WFS1: variants seen among roughly 807,000 people sequenced by gnomAD.
WFS1 encodes wolframin ER transmembrane glycoprotein.
In WFS1, 90 loss-of-function variants were observed where a neutral mutation model predicts 68.5. The ratio of observed to expected loss-of-function variants is 1.31; its 90% CI spans 1.11 to 1.56. The LOEUF is 1.56. Among genes scored for constraint, WFS1 ranks in the 40% most tolerant of loss-of-function variants. The pLI is 0.00. For synonymous variants in WFS1, 860 were observed against 540.7 expected (o/e 1.59, Z -8.19); for missense variants, 1,767 against 1,232.6 (o/e 1.43, Z -6.49).
Position 6,300,708 on chromosome 4 carries a change from G to T in WFS1, c.913G>T (p.Asp305Tyr), listed in dbSNP as rs746870386. ...CATGGAGATCAAGGAGTACCTGATT[G>T]ACATGGCCTCCAGGGCAGGCATGCA... ...AIMEIKEYLI[D>Y]MASRAGMHWL... Residue 305 changes from aspartate to tyrosine, a missense_variant, in exon 8 of 8, where the codon GAC becomes TAC. Physicochemically the swap from Asp to Tyr is radical, Grantham distance 160. Transcript: ENST00000226760. 1 of 1,614,020 alleles carries T rather than the reference G, an allele frequency of 6.2e-7. No individual in the cohort carries two copies. The highest frequency in any genetic ancestry group is 8.5e-7 in the Non-Finnish European group (1 of 1,179,976).
intron 2 of WFS1, among the ~76,000 whole-genome samples, chr4:6,282,620 A>G (rs950505469): frequency 2.0e-5 from 3 of 152,228 alleles, no homozygotes; most frequent in Non-Finnish European, 4.4e-5. Context: ...TGGATGCATC[A>G]GTAATATGAA....
At chr4:6,293,895 C>T (rs933586523) in intron 6 of WFS1, among the ~76,000 whole-genome samples, 2 of 152,196 alleles carry the variant, frequency 1.3e-5, no homozygotes, top group African/African-American at 4.8e-5. Flanking sequence ...GTGCTCCTTC[C>T]ACATCTCCTG....
intron 2 of WFS1, among the ~76,000 whole-genome samples, chr4:6,284,011 T>G (rs546105405): frequency 6.6e-6 from 1 of 151,838 alleles, no homozygotes; most frequent in Admixed American, 6.6e-5. Context: ...AGCTAACTGG[T>G]CTGCAGGACG....
intron 1 of WFS1, among the ~76,000 whole-genome samples, chr4:6,276,774 G>A (rs184671929): frequency 6.6e-6 from 1 of 152,378 alleles, no homozygotes; most frequent in Non-Finnish European, 1.5e-5. Flanking sequence ...GGAGGCAGAA[G>A]TCTGAAGTCA....
rs4416547 is a variant in WFS1, at chr4:6,292,240, G to A, written c.712+243G>A. Among the ~76,000 whole-genome samples the A allele has an allele frequency of 0.64, 97,120 of 151,836 alleles. 31,663 individuals are homozygous for A. The highest frequency in any genetic ancestry group is 0.94 in the East Asian group (4,797 of 5,130). Reference sequence around the variant, plus strand: ...TAGACCCTGCCCACCTGGAGCGCACGCACTGGAGGGAAGGCAGACCCAGGA... The same window carrying A: ...TAGACCCTGCCCACCTGGAGCGCACACACTGGAGGGAAGGCAGACCCAGGA... On this transcript the variant is annotated intron_variant, in intron 6 of 7. Coordinates refer to ENST00000226760, the MANE Select transcript of WFS1 (RefSeq NM_006005.3).
intron 1 of WFS1, among the ~76,000 whole-genome samples, chr4:6,271,266 C>T (rs571242864): frequency 2.0e-5 from 3 of 152,348 alleles, no homozygotes; most frequent in African/African-American, 4.8e-5. Flanking sequence ...AGCCTCTTTT[C>T]CCTACCTGCT....
chr4:6,294,874 T>C, intron 6 of WFS1, 167 bp from the exon 7 acceptor site: 1 of 1,108,886 alleles, frequency 9.0e-7, no homozygotes, highest in Middle Eastern at 3.0e-4. Context: ...TCACCCAGCC[T>C]GGTCCTCAAC....
At chr4:6,282,775 C>A (rs1730204170) in intron 2 of WFS1, among the ~76,000 whole-genome samples, 2 of 152,324 alleles carry the variant, frequency 1.3e-5, no homozygotes, top group East Asian at 3.9e-4. Context: ...TTCCCTCCAT[C>A]CTTTTCTATT....
intron 6 of WFS1, among the ~76,000 whole-genome samples, chr4:6,293,320 G>A (rs924075745): frequency 2.6e-5 from 4 of 152,128 alleles, no homozygotes; most frequent in African/African-American, 4.8e-5. Context: ...GGTCCCCTCC[G>A]CCAGGCCCTC....
In WFS1 at chr4:6,301,455, CTGGGGCTGCTCCGCGCCTCCATCGGCT is replaced by C. The variant is rs1730907876; in HGVS notation, c.1661_1687del (p.Leu554_Tyr563delinsHis). The C allele has an allele frequency of 1.2e-6, 2 of 1,612,542 alleles. No homozygotes were observed. Among genetic ancestry groups the C allele is most frequent in the Non-Finnish European group, 1.7e-6 (2 of 1,180,046 alleles). On this transcript the variant is annotated inframe_deletion, in exon 8 of 8. Transcript: ENST00000226760. ...GGTCATCCTGCTGGAGTCCACCGGC[CTGGGGCTGCTCCGCGCCTCCATCGGCT>C]ACTTCCTCTTCCTCTTTGCCCTCCC...
rs1731008593 is a variant in WFS1, at chr4:6,302,773, C to T, written c.*305C>T. 1 of 510,694 alleles carries T rather than the reference C, an allele frequency of 2.0e-6. No homozygotes were observed. Among genetic ancestry groups the T allele is most frequent in the South Asian group, 2.5e-5 (1 of 40,444 alleles). 31.6% of individuals were successfully genotyped at this position (510,694 alleles called of 1,614,324 possible). A position where few individuals can be genotyped will look rare whatever the true frequency, so the allele number is the denominator to read the frequency against. ...GGAGGTTCCGGTGTCTGGAAAAGCACTTTACAGATGAGATTCCCTCTCCTC... is the reference window on the plus strand; with the variant it reads ...GGAGGTTCCGGTGTCTGGAAAAGCATTTTACAGATGAGATTCCCTCTCCTC... On this transcript the variant is annotated 3_prime_UTR_variant, in exon 8 of 8. Coordinates refer to ENST00000226760, the MANE Select transcript of WFS1 (RefSeq NM_006005.3).
At chr4:6,289,840 A>G (rs998521283) in intron 4 of WFS1, among the ~76,000 whole-genome samples, 1 of 152,184 alleles carries the variant, frequency 6.6e-6, no homozygotes, top group Non-Finnish European at 1.5e-5. Flanking sequence ...TATGCTTATC[A>G]TAGAAAACTT....
chr4:6,281,274 C>G (rs1399555691), intron 2 of WFS1, among the ~76,000 whole-genome samples: 1 of 152,088 alleles, frequency 6.6e-6, no homozygotes, highest in Non-Finnish European at 1.5e-5. Context: ...AGCAGGCACC[C>G]CAGCTCCTAC....
In WFS1 at chr4:6,283,870, C is replaced by T. The variant is rs1730232576; in HGVS notation, c.233-3223C>T. Among the ~76,000 whole-genome samples, 1 of 152,004 alleles carries T rather than the reference C, an allele frequency of 6.6e-6. No individual in the cohort carries two copies. The highest frequency in any genetic ancestry group is 2.1e-4 in the South Asian group (1 of 4,792). On this transcript the variant is annotated intron_variant, in intron 2 of 7. Coordinates refer to ENST00000226760, the MANE Select transcript of WFS1 (RefSeq NM_006005.3). The surrounding 1 kb of genome is among the most constrained non-coding windows in gnomAD (Gnocchi z 5.0). The stretch of plus-strand genomic sequence containing the variant: ...GAACGGAGGTCGAGCACACAGAAAA[C>T]ACGTGTGTTTGATGGTTCTTGGTGG...
chr4:6,287,213 GC>G lies in WFS1; in HGVS notation c.315+43del. The G allele has an allele frequency of 3.9e-6, 6 of 1,527,662 alleles. No individual in the cohort carries two copies. Among genetic ancestry groups the G allele is most frequent in the African/African-American group, 1.4e-5 (1 of 72,726 alleles). 94.6% of individuals were successfully genotyped at this position (1,527,662 alleles called of 1,614,324 possible). ...GTGCCGGCAGGGACTTCGGGACGCG[GC>G]CCCCGGCACAACAGGCCTGGCCACG... On this transcript the variant is annotated intron_variant, in intron 3 of 7. Coordinates refer to ENST00000226760, the MANE Select transcript of WFS1 (RefSeq NM_006005.3). The surrounding 1 kb of genome is among the most constrained non-coding windows in gnomAD (Gnocchi z 6.4).
intron 7 of WFS1, among the ~76,000 whole-genome samples, chr4:6,299,491 C>T (rs1042255453): frequency 1.3e-4 from 16 of 122,766 alleles, no homozygotes; most frequent in African/African-American, 4.8e-4. Flanking sequence ...TGGGTGTGCA[C>T]GTGTGTGTAG....
At chr4:6,293,237 A>G (rs1209434308) in intron 6 of WFS1, among the ~76,000 whole-genome samples, 1 of 152,070 alleles carries the variant, frequency 6.6e-6, no homozygotes, top group Non-Finnish European at 1.5e-5. Flanking sequence ...GTTTGTGATG[A>G]GCCGGGCACA....
intron 2 of WFS1, among the ~76,000 whole-genome samples, chr4:6,285,362 C>T (rs893049932): frequency 1.4e-5 from 2 of 140,186 alleles, no homozygotes; most frequent in Non-Finnish European, 3.1e-5. Flanking sequence ...CCAGGGAAAG[C>T]AGCATCAAGG....
At chr4:6,289,896 A>G (rs1195583081) in intron 4 of WFS1, among the ~76,000 whole-genome samples, 1 of 152,164 alleles carries the variant, frequency 6.6e-6, no homozygotes, top group African/African-American at 2.4e-5. Flanking sequence ...ATAACCTTGA[A>G]GCCCAGAAGC....
Sources: gnomAD v4.1 joint callset for allele counts (sites outside exome capture counted in the v4.1 genomes callset) on GRCh38, gnomAD v4.1.1 for gene constraint, Gnocchi (gnomAD v3.1) non-coding constraint, MANE v1.5 for transcripts, NCBI Gene and HGNC (gene_info 2026-07-23, HGNC 2026-07-21) for gene names.